The following NTAN1 variants were observed in gnomAD, a reference collection of about 807,000 sequenced individuals.
NTAN1 encodes protein N-terminal asparagine amidohydrolase.
Under a neutral mutation model 41.9 loss-of-function variants are expected in NTAN1, and 32 were observed. That is an observed-to-expected ratio of 0.76 (90% CI 0.58 to 1.03). The LOEUF (loss-of-function observed/expected upper bound fraction) is 1.03, where lower values mean the gene tolerates loss of function less well. Among genes scored for constraint, NTAN1 ranks in the 50% least tolerant of loss-of-function variants. The pLI is 0.00. For missense variants in NTAN1, 377 were observed against 377.5 expected (o/e 1.00, Z 0.01); for synonymous variants, 140 against 139.5 (o/e 1.00, Z -0.03).
intron 4 of NTAN1, chr16:15,047,158 A>C: frequency 2.2e-6 from 1 of 460,162 alleles, no homozygotes; most frequent in Non-Finnish European, 3.9e-6. Context: ...GGAGAGCAAA[A>C]CGATGTGAAA....
At chr16:15,040,203 C>T (rs1017430555) in intron 7 of NTAN1, 137 bp from the exon 8 acceptor site, 10 of 468,308 alleles carry the variant, frequency 2.1e-5, no homozygotes, top group Non-Finnish European at 3.8e-5. Flanking sequence ...CTGGACTTCC[C>T]CCTCCCTGGA....
At chr16:15,049,633 C>T (rs2044219472) in intron 1 of NTAN1, among the ~76,000 whole-genome samples, 1 of 152,022 alleles carries the variant, frequency 6.6e-6, no homozygotes, top group Non-Finnish European at 1.5e-5. Context: ...GCCATGTTGG[C>T]CACACTGGTA....
At chr16:15,051,567 G>C (rs762820842) in intron 1 of NTAN1, among the ~76,000 whole-genome samples, 1 of 151,980 alleles carries the variant, frequency 6.6e-6, no homozygotes, top group African/African-American at 2.4e-5. Flanking sequence ...GGCTGGTCTC[G>C]AACTCCTGGC....
At chr16:15,040,377 T>C (rs2043759732) in intron 7 of NTAN1, 1 of 318,920 alleles carries the variant, frequency 3.1e-6, no homozygotes, top group South Asian at 8.5e-5. Flanking sequence ...CCTACTGGTG[T>C]ACGGCCAGGG....
intron 4 of NTAN1, chr16:15,047,203 T>C: frequency 5.8e-6 from 3 of 517,812 alleles, no homozygotes; most frequent in East Asian, 6.3e-5. Flanking sequence ...CGACATCAAG[T>C]TCAAAGTCAA....
intron 8 of NTAN1, among the ~76,000 whole-genome samples, chr16:15,039,104 A>T (rs2043687097): frequency 6.6e-6 from 1 of 152,202 alleles, no homozygotes; most frequent in South Asian, 2.1e-4. Context: ...TTAAAAGCAT[A>T]CAGTGCCTGC....
chr16:15,055,911 G>C lies in NTAN1; in HGVS notation c.61C>G (p.Arg21Gly), dbSNP rs1467752858. 4.9e-6 allele frequency: 6 copies of C among 1,232,316 alleles called. No individual in the cohort carries two copies. The East Asian group carries it at 1.3e-4, about 26-fold the overall frequency. 76.3% of individuals were successfully genotyped at this position (1,232,316 alleles called of 1,614,324 possible). ...RLPQSAGDLVRAHPPLEERAR... is the reference protein window; with the variant it reads ...RLPQSAGDLVGAHPPLEERAR... ...CTCACCTCCAAAGGCGGGTGGGCTCGGACGAGGTCCCCGGCTGACTGCGGC... is the reference window on the plus strand; with the variant it reads ...CTCACCTCCAAAGGCGGGTGGGCTCCGACGAGGTCCCCGGCTGACTGCGGC... The change falls in exon 1 of 10, where the codon CGA becomes GGA. Residue 21 changes from arginine to glycine, a missense_variant. By Grantham distance (125) the Arg-to-Gly change is moderately radical. Transcript: ENST00000287706.
In NTAN1 at chr16:15,037,898, A is replaced by AGTC. The variant is rs2043587719; in HGVS notation, c.*130_*132dup. ...TTTATTTTGAAAGTCATTTGATGAA[A>AGTC]GTCATTTGAAAGACACTGAGGAGGG... On this transcript the variant is annotated 3_prime_UTR_variant, in exon 10 of 10. Coordinates refer to ENST00000287706, the MANE Select transcript of NTAN1 (RefSeq NM_173474.4). 3 of 585,582 alleles carry AGTC rather than the reference A, an allele frequency of 5.1e-6. No homozygotes were observed. Among genetic ancestry groups the AGTC allele is most frequent in the Non-Finnish European group, 9.1e-6 (3 of 328,942 alleles). The allele number at this position is 585,582 out of a possible 1,614,324, so 36.3% of individuals were successfully genotyped here. A position where few individuals can be genotyped will look rare whatever the true frequency, so the allele number is the denominator to read the frequency against.
intron 1 of NTAN1, among the ~76,000 whole-genome samples, chr16:15,053,922 A>G (rs2044395841): frequency 6.6e-6 from 1 of 152,012 alleles, no homozygotes; most frequent in Non-Finnish European, 1.5e-5. Context: ...AAAAAAACCA[A>G]CCAACCAAAC....
chr16:15,052,613 C>T (rs747605642), intron 1 of NTAN1, among the ~76,000 whole-genome samples: 3 of 152,170 alleles, frequency 2.0e-5, no homozygotes, highest in Non-Finnish European at 4.4e-5. Context: ...GCGAGATGAT[C>T]GCTTGAGGTC....
Position 15,037,962 on chromosome 16 carries a change from T to C in NTAN1, c.*69A>G, listed in dbSNP as rs1048601225. The C allele has an allele frequency of 1.6e-5, 19 of 1,166,994 alleles. No homozygotes were observed. Among genetic ancestry groups the C allele is most frequent in the Middle Eastern group, 2.8e-4 (1 of 3,530 alleles). 72.3% of individuals were successfully genotyped at this position (1,166,994 alleles called of 1,614,324 possible). On this transcript the variant is annotated 3_prime_UTR_variant, in exon 10 of 10. Coordinates refer to ENST00000287706, the MANE Select transcript of NTAN1 (RefSeq NM_173474.4). Reference sequence around the variant, plus strand: ...ACCCAACAGATGTAGGATCCAGATCTGGATTCGTGCCAGCCCCACCAATGG... The same window carrying C: ...ACCCAACAGATGTAGGATCCAGATCCGGATTCGTGCCAGCCCCACCAATGG...
chr16:15,044,238 T>G (rs1820634978), intron 5 of NTAN1, 96 bp downstream of exon 5: 1 of 796,356 alleles, frequency 1.3e-6, no homozygotes, highest in Non-Finnish European at 2.1e-6. Flanking sequence ...GGGTGTGCCC[T>G]TCTTGGGTTT....
At chr16:15,041,249 G>A (rs1443577258) in intron 6 of NTAN1, 128 bp from the exon 7 acceptor site, 3 of 704,784 alleles carry the variant, frequency 4.3e-6, no homozygotes, top group Non-Finnish European at 5.0e-6. Flanking sequence ...GAAAATGAAA[G>A]GGATTGTGGC....
At chr16:15,043,662 A>G (rs1301356518) in intron 5 of NTAN1, among the ~76,000 whole-genome samples, 1 of 152,074 alleles carries the variant, frequency 6.6e-6, no homozygotes, top group East Asian at 1.9e-4. Context: ...AATATTTGCT[A>G]ATTTAGGCCA....
At chr16:15,049,798 G>C (rs1021065307) in intron 1 of NTAN1, among the ~76,000 whole-genome samples, 3 of 152,202 alleles carry the variant, frequency 2.0e-5, no homozygotes, top group Non-Finnish European at 2.9e-5. Context: ...ACAGAACCAA[G>C]TCACAGCCAC....
chr16:15,039,416 A>C (rs575424326), intron 8 of NTAN1, among the ~76,000 whole-genome samples: 35 of 152,370 alleles, frequency 2.3e-4, no homozygotes, highest in African/African-American at 7.9e-4. Flanking sequence ...GCATTTTTAA[A>C]GAATTCTTTC....
intron 4 of NTAN1, chr16:15,045,790 A>G (rs1039310540): frequency 1.3e-5 from 2 of 152,284 alleles, no homozygotes; most frequent in Non-Finnish European, 2.9e-5. Context: ...ACAGCCCGTC[A>G]AGTGGGCGAA....
chr16:15,055,118 G>A (rs1291542083), intron 1 of NTAN1, among the ~76,000 whole-genome samples: 1 of 152,094 alleles, frequency 6.6e-6, no homozygotes, highest in African/African-American at 2.4e-5. Flanking sequence ...TCAAATCAAG[G>A]AACTGATTGA....
intron 5 of NTAN1, 103 bp from the exon 6 acceptor site, chr16:15,041,779 T>C: frequency 1.2e-6 from 1 of 835,188 alleles, no homozygotes; most frequent in South Asian, 1.3e-5. Context: ...GCCAACTGAG[T>C]GTGCTCCGCC....
Sources: gnomAD v4.1 joint callset for allele counts (sites outside exome capture counted in the v4.1 genomes callset) on GRCh38, gnomAD v4.1.1 for gene constraint, MANE v1.5 for transcripts, NCBI Gene and HGNC (gene_info 2026-07-23, HGNC 2026-07-21) for gene names.